GNAQ: variants seen among roughly 807,000 people sequenced by gnomAD.
GNAQ encodes G protein subunit alpha q.
A neutral mutation model predicts 43.9 loss-of-function variants in GNAQ; 8 were observed. The observed-to-expected ratio is 0.18, with a 90% CI of 0.11 to 0.33. GNAQ has a LOEUF of 0.33. GNAQ is among the 10% of genes least tolerant of loss of function. The pLI, the probability that GNAQ is intolerant of heterozygous loss-of-function variation, is 1.00. For missense variants in GNAQ, 158 were observed against 450.8 expected, an observed-to-expected ratio of 0.35 and a Z score of 5.88; for synonymous variants, 155 against 170.7, an observed-to-expected ratio of 0.91 and a Z score of 0.71.
At chr9:77,895,239 G>C (rs1378735634) in intron 2 of GNAQ, among the ~76,000 whole-genome samples, 1 of 151,014 alleles carries the variant, frequency 6.6e-6, no homozygotes, top group African/African-American at 2.4e-5. Context: ...CATCGACTCT[G>C]TGCAAGGCAC....
Position 77,928,817 on chromosome 9 carries a change from C to T in GNAQ, c.137-6472G>A, listed in dbSNP as rs1047252602. ...GGCAGATCACTTGAGGTCAGGAGTT[C>T]GAGACCAGCCTGGCCAACATGGTGA... On this transcript the variant is annotated intron_variant, in intron 1 of 6. Transcript: ENST00000286548. 7.2e-5 allele frequency among the ~76,000 whole-genome samples: 11 copies of T among 152,186 alleles called. No individual in the cohort carries two copies. In the East Asian group the frequency reaches 1.2e-3, roughly 16 times the overall value.
intron 5 of GNAQ, among the ~76,000 whole-genome samples, chr9:77,740,207 G>C (rs1825632362): frequency 6.6e-6 from 1 of 152,208 alleles, no homozygotes; most frequent in Non-Finnish European, 1.5e-5. Context: ...ATAAGAATTT[G>C]GTCTGCCTTG....
intron 2 of GNAQ, among the ~76,000 whole-genome samples, chr9:77,848,436 T>G (rs1297234116): frequency 1.3e-5 from 2 of 152,190 alleles, no homozygotes; most frequent in Non-Finnish European, 2.9e-5. Flanking sequence ...AGGGTGCAAC[T>G]CTCTTAACAA....
intron 1 of GNAQ, among the ~76,000 whole-genome samples, chr9:77,978,804 A>C (rs1242074627): frequency 6.6e-6 from 1 of 152,214 alleles, no homozygotes; most frequent in Admixed American, 6.5e-5. Context: ...TCACGCCTAT[A>C]ATCCCAGCAC....
chr9:77,816,390 A>G (rs1283054550), intron 2 of GNAQ, among the ~76,000 whole-genome samples: 3 of 152,216 alleles, frequency 2.0e-5, no homozygotes, highest in African/African-American at 4.8e-5. Flanking sequence ...TGCCTTATCT[A>G]TATTACCAGA....
chr9:77,997,924 A>G (rs1223233564), intron 1 of GNAQ, among the ~76,000 whole-genome samples: 1 of 152,242 alleles, frequency 6.6e-6, no homozygotes, highest in Non-Finnish European at 1.5e-5. Context: ...GAGCCACATC[A>G]GGTGCCTTGG....
intron 5 of GNAQ, among the ~76,000 whole-genome samples, chr9:77,762,029 G>A (rs1826040683): frequency 7.3e-6 from 1 of 137,914 alleles, no homozygotes; most frequent in African/African-American, 2.7e-5. Context: ...CCTGGGAAGT[G>A]AGGAGCCCCT....
intron 2 of GNAQ, among the ~76,000 whole-genome samples, chr9:77,911,175 T>C (rs964352107): frequency 2.0e-5 from 3 of 152,130 alleles, no homozygotes; most frequent in Non-Finnish European, 1.5e-5. Flanking sequence ...CTGAGCTAGG[T>C]TACTTTGAGA....
chr9:77,847,268 T>C (rs1290102585), intron 2 of GNAQ, among the ~76,000 whole-genome samples: 1 of 152,216 alleles, frequency 6.6e-6, no homozygotes, highest in Non-Finnish European at 1.5e-5. Flanking sequence ...TGCAAATATT[T>C]TGGCAAATAA....
intron 2 of GNAQ, among the ~76,000 whole-genome samples, chr9:77,817,520 C>G (rs546485494): frequency 6.6e-6 from 1 of 152,242 alleles, no homozygotes; most frequent in East Asian, 1.9e-4. Flanking sequence ...TGGTCATAAC[C>G]TTTAGGAGAA....
chr9:78,027,396 C>T (rs1319079863), intron 1 of GNAQ, among the ~76,000 whole-genome samples: 1 of 152,164 alleles, frequency 6.6e-6, no homozygotes, highest in Admixed American at 6.5e-5. Flanking sequence ...AGATACTGTG[C>T]TTGAAGCTGG....
intron 1 of GNAQ, among the ~76,000 whole-genome samples, chr9:77,960,883 C>T (rs371565779): frequency 6.6e-6 from 1 of 152,046 alleles, no homozygotes; most frequent in Non-Finnish European, 1.5e-5. Context: ...GAAATACTAA[C>T]GAGCACAGGA....
chr9:77,954,487 G>A (rs1697168462), intron 1 of GNAQ, among the ~76,000 whole-genome samples: 1 of 152,146 alleles, frequency 6.6e-6, no homozygotes. Flanking sequence ...TAAAACAGGA[G>A]AACGATACAA....
chr9:77,881,505 A>G (rs1456176026), intron 2 of GNAQ, among the ~76,000 whole-genome samples: 1 of 152,146 alleles, frequency 6.6e-6, no homozygotes, highest in Non-Finnish European at 1.5e-5. Flanking sequence ...CAGCCCCCCG[A>G]GTAGCTGGGA....
At chr9:77,945,108 A>G (rs1822870679) in intron 1 of GNAQ, among the ~76,000 whole-genome samples, 1 of 152,198 alleles carries the variant, frequency 6.6e-6, no homozygotes, top group Non-Finnish European at 1.5e-5. Context: ...AGGCACACCC[A>G]TACTCAAATG....
intron 1 of GNAQ, among the ~76,000 whole-genome samples, chr9:78,006,446 T>C (rs1823707307): frequency 6.6e-6 from 1 of 152,144 alleles, no homozygotes; most frequent in Admixed American, 6.6e-5. Context: ...AAATACTCTA[T>C]CAGGCAATAA....
intron 1 of GNAQ, among the ~76,000 whole-genome samples, chr9:77,992,841 A>G (rs1442442865): frequency 6.6e-6 from 1 of 152,162 alleles, no homozygotes; most frequent in Non-Finnish European, 1.5e-5. Context: ...GCTACTTGGG[A>G]GGCTGAGGAA....
chr9:77,837,533 G>A (rs1481234480), intron 2 of GNAQ, among the ~76,000 whole-genome samples: 1 of 151,908 alleles, frequency 6.6e-6, no homozygotes, highest in Non-Finnish European at 1.5e-5. Flanking sequence ...TAGCCTGGGT[G>A]ACAGAGTGAG....
intron 5 of GNAQ, among the ~76,000 whole-genome samples, chr9:77,782,479 C>A (rs1258954509): frequency 1.3e-5 from 2 of 151,980 alleles, no homozygotes; most frequent in Non-Finnish European, 2.9e-5. Flanking sequence ...GGCCAAAATC[C>A]CAAACACTGA....
Sources: gnomAD v4.1 joint callset for allele counts (sites outside exome capture counted in the v4.1 genomes callset) on GRCh38, gnomAD v4.1.1 for gene constraint, MANE v1.5 for transcripts, NCBI Gene and HGNC (gene_info 2026-07-23, HGNC 2026-07-21) for gene names.